EGF: variants seen among roughly 807,000 people sequenced by gnomAD.
EGF encodes the protein epidermal growth factor, also known as pro-epidermal growth factor.
EGF carries 95 observed loss-of-function variants against 143.8 expected under a neutral mutation model. That is an observed-to-expected ratio of 0.66 (90% confidence interval 0.56 to 0.78). EGF has a LOEUF of 0.78. Ranked by LOEUF, EGF falls within the 30% of genes least tolerant of loss-of-function variation. The pLI is 0.00. For synonymous variants in EGF, 510 were observed against 510.5 expected, an observed-to-expected ratio of 1.00 and a Z score of 0.01; for missense variants, 1,320 against 1,470.9, an observed-to-expected ratio of 0.90 and a Z score of 1.68.
chr4:109,947,949 T>G (rs944730429), intron 5 of EGF, among the ~76,000 whole-genome samples: 1 of 152,162 alleles, frequency 6.6e-6, no homozygotes, highest in African/African-American at 2.4e-5. Context: ...TAGTTAATGA[T>G]GAATGTGGGG....
chr4:109,965,577 C>T (rs755901987), intron 10 of EGF, among the ~76,000 whole-genome samples: 9 of 152,108 alleles, frequency 5.9e-5, no homozygotes, highest in Admixed American at 3.9e-4. Flanking sequence ...CCTGCAGAAT[C>T]AGTATTCTTA....
intron 8 of EGF, 36 bp from the exon 9 acceptor site, chr4:109,963,137 T>A (rs1201868000): frequency 1.2e-6 from 2 of 1,612,100 alleles, no homozygotes; most frequent in Non-Finnish European, 8.5e-7. Flanking sequence ...ATATTTTGGA[T>A]GACGTAGCAT....
At chr4:109,985,421 T>C (rs1348912544) in intron 16 of EGF, among the ~76,000 whole-genome samples, 1 of 152,248 alleles carries the variant, frequency 6.6e-6, no homozygotes, top group Non-Finnish European at 1.5e-5. Flanking sequence ...TAACGTGGCC[T>C]TTTGGGCCCT....
chr4:109,940,929 T>G lies in EGF; in HGVS notation c.128-17T>G, dbSNP rs1477430252. ...AATATTAAAAGTATACAGTTTGGTCTCTTTCTTCCCACCCAGGTCCTGCAC... is the reference window on the plus strand; with the variant it reads ...AATATTAAAAGTATACAGTTTGGTCGCTTTCTTCCCACCCAGGTCCTGCAC... On this transcript the variant is annotated splice_polypyrimidine_tract_variant and intron_variant, in intron 1 of 23. Coordinates refer to ENST00000265171, the MANE Select transcript of EGF (RefSeq NM_001963.6). 4.3e-6 allele frequency: 7 copies of G among 1,612,440 alleles called. No homozygotes were observed. The African/African-American group carries it at 8.0e-5, about 18-fold the overall frequency.
Position 109,945,352 on chromosome 4 carries a change from C to A in EGF, c.940+77C>A, listed in dbSNP as rs4698800. The A allele has an allele frequency of 1.2e-5, 17 of 1,467,936 alleles. No individual in the cohort carries two copies. In the African/African-American group the frequency reaches 2.2e-4, roughly 19 times the overall value. The allele number at this position is 1,467,936 out of a possible 1,614,324, so 90.9% of individuals were successfully genotyped here. The stretch of plus-strand genomic sequence containing the variant: ...CACCTGCTTGAGCCAGACAATGAGG[C>A]GTTGTAGGGGAAAAAAAATTTTTTT... On this transcript the variant is annotated intron_variant, in intron 5 of 23. Coordinates refer to ENST00000265171, the MANE Select transcript of EGF (RefSeq NM_001963.6).
chr4:110,001,860 G>C, intron 21 of EGF: 1 of 985,402 alleles, frequency 1.0e-6, no homozygotes, highest in South Asian at 4.7e-5. Flanking sequence ...AATGCATCCA[G>C]AGTTGTACAA....
intron 11 of EGF, 46 bp downstream of exon 11, chr4:109,969,165 G>A (rs1747160911): frequency 1.9e-6 from 3 of 1,611,848 alleles, no homozygotes; most frequent in Admixed American, 3.3e-5. Flanking sequence ...TGGGAGTGAT[G>A]GGATAGGTAA....
intron 1 of EGF, among the ~76,000 whole-genome samples, chr4:109,922,509 G>C (rs1249348925): frequency 6.6e-6 from 1 of 151,644 alleles, no homozygotes; most frequent in African/African-American, 2.4e-5. Context: ...TGAAGTTACT[G>C]GGTTTATTAC....
At chr4:109,913,523 G>T in intron 1 of EGF, 61 bp downstream of exon 1, 2 of 1,591,002 alleles carry the variant, frequency 1.3e-6, no homozygotes, top group South Asian at 1.1e-5. Context: ...CATCCCTGTT[G>T]GTTCAATCTG....
intron 20 of EGF, among the ~76,000 whole-genome samples, chr4:109,997,918 G>A (rs1168827400): frequency 6.6e-6 from 1 of 152,158 alleles, no homozygotes; most frequent in Non-Finnish European, 1.5e-5. Flanking sequence ...AGTCTAGAAT[G>A]TCTCAAAATT....
intron 6 of EGF, among the ~76,000 whole-genome samples, chr4:109,959,859 G>A (rs1301767021): frequency 1.3e-5 from 2 of 152,150 alleles, no homozygotes; most frequent in Non-Finnish European, 2.9e-5. Flanking sequence ...CTAGTAGGAA[G>A]CCTGGGAAAC....
Position 110,011,310 on chromosome 4 carries a change from T to A in EGF, c.3479T>A (p.Val1160Glu). 1 of 1,614,082 alleles carries A rather than the reference T, an allele frequency of 6.2e-7. No homozygotes were observed. Among genetic ancestry groups the A allele is most frequent in the Non-Finnish European group, 8.5e-7 (1 of 1,180,010 alleles). ...AGTGATAAGGGCTCCTGTCCCCAGG[T>A]AATGGAGCGAAGCTTTCATATGCCC... is the stretch of plus-strand genomic sequence containing the variant. ...VSSDKGSCPQ[V>E]MERSFHMPSY... Residue 1160 changes from valine to glutamate, a missense_variant, in exon 24 of 24, where the codon GTA (valine) becomes GAA (glutamate). Transcript: ENST00000265171.
chr4:109,926,690 G>T lies in EGF; in HGVS notation c.127+13228G>T, dbSNP rs141434140. Reference sequence around the variant, plus strand: ...GTCTTTAAAAGAAGAAAAAGAAAAGGACAAGTGTTTAACAATTTTTGGCTT... The same window carrying T: ...GTCTTTAAAAGAAGAAAAAGAAAAGTACAAGTGTTTAACAATTTTTGGCTT... On this transcript the variant is annotated intron_variant, in intron 1 of 23. Coordinates refer to ENST00000265171, the MANE Select transcript of EGF (RefSeq NM_001963.6). Among the ~76,000 whole-genome samples, 787 of 152,262 alleles carry T rather than the reference G, an allele frequency of 5.2e-3. 5 individuals are homozygous for T. Among genetic ancestry groups the T allele is most frequent in the African/African-American group, 0.018 (767 of 41,552 alleles).
chr4:109,938,733 A>G (rs1178078646), intron 1 of EGF, among the ~76,000 whole-genome samples: 1 of 152,114 alleles, frequency 6.6e-6, no homozygotes, highest in Non-Finnish European at 1.5e-5. Context: ...TGTTGATGCT[A>G]TTCATTTCTG....
At chr4:109,929,080 T>C (rs1207775550) in intron 1 of EGF, among the ~76,000 whole-genome samples, 1 of 152,254 alleles carries the variant, frequency 6.6e-6, no homozygotes, top group Non-Finnish European at 1.5e-5. Context: ...AAGATGGATG[T>C]AGGGAATCCA....
intron 5 of EGF, among the ~76,000 whole-genome samples, chr4:109,950,355 T>C (rs3796946): frequency 0.38 from 57,494 of 151,880 alleles, 11,154 homozygotes; most frequent in East Asian, 0.5. Flanking sequence ...TCTCATCCCA[T>C]GAAATCAGTC....
chr4:109,976,375 A>G, intron 13 of EGF, 140 bp downstream of exon 13: 1 of 785,254 alleles, frequency 1.3e-6, no homozygotes, highest in Admixed American at 2.0e-5. Context: ...CCAGGGAATC[A>G]TGAGCTGCAA....
chr4:109,991,426 AGTG>A (rs148775899), intron 18 of EGF, among the ~76,000 whole-genome samples: 3,271 of 152,176 alleles, frequency 0.021, 125 homozygotes, highest in African/African-American at 0.075. Flanking sequence ...ATTTGAGTAA[AGTG>A]GTGCAATGAT....
At chr4:109,997,170 G>T (rs1000143949) in intron 20 of EGF, among the ~76,000 whole-genome samples, 1 of 152,066 alleles carries the variant, frequency 6.6e-6, no homozygotes, top group East Asian at 1.9e-4. Flanking sequence ...GTCTTCTTGC[G>T]CTGAGTCAGT....
Sources: gnomAD v4.1 joint callset for allele counts (sites outside exome capture counted in the v4.1 genomes callset) on GRCh38, gnomAD v4.1.1 for gene constraint, MANE v1.5 for transcripts, NCBI Gene and HGNC (gene_info 2026-07-23, HGNC 2026-07-21) for gene names.